Variants in S100Z observed in about 807,000 individuals in gnomAD.
S100Z encodes the protein S100 calcium binding protein Z, also known as protein S100-Z.
In S100Z, 11 loss-of-function variants were observed where a neutral mutation model predicts 8.5. The observed-to-expected ratio is 1.30, with a 90% CI of 0.82 to 2.15. The LOEUF (loss-of-function observed/expected upper bound fraction) is 2.15. Among genes scored for constraint, S100Z ranks in the 30% most tolerant of loss-of-function variants. The pLI is 0.00. For missense variants in S100Z, 126 were observed against 117.9 expected (o/e 1.07, Z -0.32); for synonymous variants, 34 against 43.8 (o/e 0.78, Z 0.89).
At chr5:76,928,607 G>A in the S100Z span, among the ~76,000 whole-genome samples, 2 of 152,208 alleles carry the variant, frequency 1.3e-5, no homozygotes, top group Non-Finnish European at 2.9e-5. Flanking sequence ...CAGAAGATTA[G>A]TTGAAGACAG....
At chr5:76,934,608 A>G in the S100Z span, among the ~76,000 whole-genome samples, 1 of 152,224 alleles carries the variant, frequency 6.6e-6, no homozygotes, top group Non-Finnish European at 1.5e-5. Context: ...CCCTTATAAA[A>G]GGGCAGAAGG....
At chr5:76,891,626 T>C (rs889240786) in intron 4 of S100Z, among the ~76,000 whole-genome samples, 2 of 152,082 alleles carry the variant, frequency 1.3e-5, no homozygotes, top group African/African-American at 4.8e-5. Flanking sequence ...GTCTAGACTC[T>C]AGGATGAAGA....
At chr5:76,897,448 A>T (rs912160755) in intron 4 of S100Z, among the ~76,000 whole-genome samples, 83 of 149,180 alleles carry the variant, frequency 5.6e-4, no homozygotes, top group African/African-American at 9.4e-4. Flanking sequence ...GTCTCAAAAA[A>T]AATAATAATA....
chr5:76,951,750 A>G, the S100Z span, among the ~76,000 whole-genome samples: 3 of 152,294 alleles, frequency 2.0e-5, no homozygotes, highest in East Asian at 5.8e-4. Context: ...GCCAGTGTCC[A>G]TGAGCTTTAG....
At chr5:76,932,670 A>G in the S100Z span, among the ~76,000 whole-genome samples, 2 of 151,990 alleles carry the variant, frequency 1.3e-5, no homozygotes, top group East Asian at 3.9e-4. Flanking sequence ...ACCATTTTTG[A>G]AACTCCAGTT....
At chr5:76,874,226 G>T in intron 2 of S100Z, among the ~76,000 whole-genome samples, 1 of 150,344 alleles carries the variant, frequency 6.7e-6, no homozygotes, top group East Asian at 1.9e-4. Context: ...CTGTCCTTTG[G>T]GTTAGTTTAA....
At chr5:76,853,432 C>T (rs1390292456) in intron 1 of S100Z, among the ~76,000 whole-genome samples, 3 of 152,146 alleles carry the variant, frequency 2.0e-5, no homozygotes, top group Non-Finnish European at 2.9e-5. Flanking sequence ...GCTTGAACTA[C>T]TTTTATTTGC....
chr5:76,857,421 A>G (rs1307228939), intron 1 of S100Z, among the ~76,000 whole-genome samples: 1 of 152,092 alleles, frequency 6.6e-6, no homozygotes, highest in Non-Finnish European at 1.5e-5. Flanking sequence ...CCGTGCTTCC[A>G]TATATATACT....
chr5:76,888,496 C>G (rs1327838588), intron 4 of S100Z, among the ~76,000 whole-genome samples: 4 of 147,898 alleles, frequency 2.7e-5, no homozygotes, highest in African/African-American at 7.4e-5. Context: ...CTGTCTCAGC[C>G]TCCCAAGTAT....
At chr5:76,901,184 G>A (rs888320869) in intron 4 of S100Z, among the ~76,000 whole-genome samples, 3 of 152,198 alleles carry the variant, frequency 2.0e-5, no homozygotes, top group African/African-American at 7.2e-5. Flanking sequence ...CCTGAAGCCA[G>A]CATAGCACTG....
At chr5:76,904,883 TAAA>T (rs1744373098) in intron 4 of S100Z, among the ~76,000 whole-genome samples, 3 of 151,366 alleles carry the variant, frequency 2.0e-5, no homozygotes, top group African/African-American at 7.4e-5. Flanking sequence ...TTGTAGAACA[TAAA>T]TTTTTAATTT....
intron 4 of S100Z, among the ~76,000 whole-genome samples, chr5:76,880,257 T>C (rs1743355739): frequency 6.6e-6 from 1 of 152,210 alleles, no homozygotes; most frequent in African/African-American, 2.4e-5. Flanking sequence ...GATCTTCAGT[T>C]ACTTCAGGCC....
intron 1 of S100Z, among the ~76,000 whole-genome samples, chr5:76,863,776 G>A (rs954991938): frequency 6.6e-6 from 1 of 152,098 alleles, no homozygotes; most frequent in Non-Finnish European, 1.5e-5. Flanking sequence ...CTGACCTTGT[G>A]ATCCACCCAC....
intron 4 of S100Z, among the ~76,000 whole-genome samples, chr5:76,897,053 T>C (rs1175666520): frequency 6.6e-6 from 1 of 152,230 alleles, no homozygotes; most frequent in Non-Finnish European, 1.5e-5. Flanking sequence ...GTTTGGTTAC[T>C]ATAGCTCTGG....
At chr5:76,938,687 C>G in the S100Z span, among the ~76,000 whole-genome samples, 1 of 152,188 alleles carries the variant, frequency 6.6e-6, no homozygotes, top group Admixed American at 6.5e-5. Flanking sequence ...CCTATGTTTC[C>G]TTCTACATAT....
At chr5:76,943,995 T>C in the S100Z span, among the ~76,000 whole-genome samples, 2 of 152,074 alleles carry the variant, frequency 1.3e-5, no homozygotes, top group Non-Finnish European at 1.5e-5. Context: ...TAATATTATT[T>C]ATCATGACTG....
At chr5:76,896,861 T>C (rs1422024784) in intron 4 of S100Z, among the ~76,000 whole-genome samples, 1 of 152,252 alleles carries the variant, frequency 6.6e-6, no homozygotes, top group Non-Finnish European at 1.5e-5. Flanking sequence ...TTTAAATCTT[T>C]TGCCTACTTT....
At chr5:76,945,167 G>T in the S100Z span, among the ~76,000 whole-genome samples, 1 of 152,296 alleles carries the variant, frequency 6.6e-6, no homozygotes, top group East Asian at 1.9e-4. Flanking sequence ...GATGTGCCTT[G>T]TTAACAAAAT....
At chr5:76,883,951 G>A (rs865792082) in intron 4 of S100Z, among the ~76,000 whole-genome samples, 22 of 152,284 alleles carry the variant, frequency 1.4e-4, no homozygotes, top group African/African-American at 4.8e-4. Context: ...GTCTCACAGT[G>A]GAGGCAAGGA....
Sources: gnomAD v4.1 joint callset for allele counts (sites outside exome capture counted in the v4.1 genomes callset) on GRCh38, gnomAD v4.1.1 for gene constraint, MANE v1.5 for transcripts, NCBI Gene and HGNC (gene_info 2026-07-23, HGNC 2026-07-21) for gene names.